The following ENPP1 variants were observed in gnomAD, a reference collection of about 807,000 sequenced individuals.
ENPP1 encodes ectonucleotide pyrophosphatase/phosphodiesterase family member 1.
Under a neutral mutation model 122.8 loss-of-function variants are expected in ENPP1, and 73 were observed. The ratio of observed to expected loss-of-function variants is 0.59; its 90% CI spans 0.49 to 0.72. The LOEUF (loss-of-function observed/expected upper bound fraction) is 0.72, where lower values mean the gene tolerates loss of function less well. ENPP1 is among the 30% of genes least tolerant of loss of function. The pLI, the probability that ENPP1 is intolerant of heterozygous loss-of-function variation, is 0.00. For synonymous variants in ENPP1, 367 were observed against 391.6 expected (o/e 0.94, Z 0.74); for missense variants, 978 against 1,128.1 (o/e 0.87, Z 1.91).
At chr6:131,851,588 T>C (rs1676837308) in intron 4 of ENPP1, among the ~76,000 whole-genome samples, 1 of 152,160 alleles carries the variant, frequency 6.6e-6, no homozygotes, top group Non-Finnish European at 1.5e-5. Flanking sequence ...CACTTGATGT[T>C]GTATTTGTGG....
rs11384427 is a variant in ENPP1 at position 131,890,996 on chromosome 6, C to CAA, written c.*494_*495dup. On this transcript the variant is annotated 3_prime_UTR_variant, in exon 25 of 25. Coordinates refer to ENST00000647893, the MANE Select transcript of ENPP1 (RefSeq NM_006208.3). ...GAGTTTCATTTCTTTTCATTGTAAT[C>CAA]AAAAAAAAAATTAACAGAAGCCAAA... The CAA allele has an allele frequency of 0.054, 8,105 of 150,838 alleles. 448 individuals carry two copies. Among genetic ancestry groups the CAA allele is most frequent in the African/African-American group, 0.14 (5,862 of 40,840 alleles). 9.3% of individuals were successfully genotyped at this position (150,838 alleles called of 1,614,324 possible). A position where few individuals can be genotyped will look rare whatever the true frequency, so the allele number is the denominator to read the frequency against.
chr6:131,875,789 G>T lies in ENPP1; in HGVS notation c.1649G>T (p.Gly550Val), dbSNP rs767931279. 1.9e-6 allele frequency: 3 copies of T among 1,613,910 alleles called. No individual in the cohort carries two copies. Among genetic ancestry groups the T allele is most frequent in the Admixed American group, 3.3e-5 (2 of 60,012 alleles). ...VFSNMQALFV[G>V]YGPGFKHGIE... ...CTGGCCATCTAGGCCCTCTTTGTTG[G>T]CTATGGACCTGGATTCAAGCATGGC... The change falls in exon 17 of 25, where the codon GGC becomes GTC. Residue 550 changes from glycine to valine, a missense_variant. By Grantham distance (109) the Gly-to-Val change is moderately radical. This residue lies in a region of ENPP1 where 644 missense variants were observed against 781.5 expected (regional missense o/e 0.82). Coordinates refer to ENST00000647893, the MANE Select transcript of ENPP1 (RefSeq NM_006208.3).
chr6:131,877,756 T>G lies in ENPP1; in HGVS notation c.1893+595T>G, dbSNP rs1159981652. On this transcript the variant is annotated intron_variant, in intron 18 of 24. Transcript: ENST00000647893. ...TGGGAGGCTGAGGCAGGAGAATTGT[T>G]TGAACCTGGGAGGCGGAGGTTGCAG... is the stretch of plus-strand genomic sequence containing the variant. 2.8e-5 allele frequency: 4 copies of G among 144,424 alleles called. No individual in the cohort carries two copies. In the Admixed American group the frequency reaches 2.8e-4, roughly 10 times the overall value. 8.9% of individuals were successfully genotyped at this position (144,424 alleles called of 1,614,324 possible).
chr6:131,825,952 G>T lies in ENPP1; in HGVS notation c.240+17677G>T, dbSNP rs1294744335. The T allele has an allele frequency of 1.8e-5, 9 of 501,444 alleles. 1 individual carries two copies. In the South Asian group the frequency reaches 2.3e-4, roughly 13 times the overall value. 31.1% of individuals were successfully genotyped at this position (501,444 alleles called of 1,614,324 possible). A position where few individuals can be genotyped will look rare whatever the true frequency, so the allele number is the denominator to read the frequency against. The stretch of plus-strand genomic sequence containing the variant: ...AGCCCTGGAGCATACTTTCAAAAAT[G>T]ATTTTGAAACATGAGTCTCTTCATT... On this transcript the variant is annotated intron_variant, in intron 1 of 24. Coordinates refer to ENST00000647893, the MANE Select transcript of ENPP1 (RefSeq NM_006208.3).
chr6:131,887,930 G>T (rs1376310859), intron 24 of ENPP1, among the ~76,000 whole-genome samples: 1 of 139,800 alleles, frequency 7.2e-6, no homozygotes, highest in Non-Finnish European at 1.5e-5. Flanking sequence ...GCGTGATCTC[G>T]GCTCCCTGCA....
intron 1 of ENPP1, among the ~76,000 whole-genome samples, chr6:131,844,279 A>G (rs1349914614): frequency 6.6e-6 from 1 of 152,234 alleles, no homozygotes; most frequent in African/African-American, 2.4e-5. Flanking sequence ...CCAGCTCCCA[A>G]CAACATAGTT....
At chr6:131,815,854 A>G (rs1585788394) in intron 1 of ENPP1, among the ~76,000 whole-genome samples, 1 of 147,488 alleles carries the variant, frequency 6.8e-6, no homozygotes, top group Non-Finnish European at 1.5e-5. Flanking sequence ...ACAGGCGCAC[A>G]CCACCACACC....
chr6:131,832,917 A>T (rs993361779), intron 1 of ENPP1, among the ~76,000 whole-genome samples: 1 of 152,120 alleles, frequency 6.6e-6, no homozygotes, highest in African/African-American at 2.4e-5. Flanking sequence ...AAATAATTGG[A>T]TAGTATTTTA....
chr6:131,844,856 A>G (rs1449547585), intron 1 of ENPP1, among the ~76,000 whole-genome samples: 1 of 152,138 alleles, frequency 6.6e-6, no homozygotes, highest in Non-Finnish European at 1.5e-5. Context: ...TTGAAGGTGC[A>G]AAGCTTATGT....
At chr6:131,874,919 G>C (rs1782209403) in intron 16 of ENPP1, among the ~76,000 whole-genome samples, 1 of 152,026 alleles carries the variant, frequency 6.6e-6, no homozygotes, top group Non-Finnish European at 1.5e-5. Flanking sequence ...CAGCAACATG[G>C]ATGGAATTGG....
At chr6:131,879,793 T>C in intron 19 of ENPP1, 87 bp from the exon 20 acceptor site, 1 of 1,182,402 alleles carries the variant, frequency 8.5e-7, no homozygotes. Context: ...TATAATTAAG[T>C]AGAGGAAAGG....
intron 1 of ENPP1, among the ~76,000 whole-genome samples, chr6:131,834,702 T>G (rs891209477): frequency 4.0e-5 from 6 of 151,602 alleles, no homozygotes; most frequent in Non-Finnish European, 5.9e-5. Context: ...AGCTAATTTT[T>G]TTTTTGTATT....
Position 131,882,456 on chromosome 6 carries a change from G to A in ENPP1, c.2212G>A (p.Gly738Arg), listed in dbSNP as rs1224968764. Residue 738 changes from glycine (G) to arginine (R), a missense_variant, in exon 21 of 25, where the codon GGG becomes AGG. Physicochemically the swap from Gly to Arg is moderately radical, Grantham distance 125 (BLOSUM62 -2). Coordinates refer to ENST00000647893, the MANE Select transcript of ENPP1 (RefSeq NM_006208.3). Reference sequence around the variant, plus strand: ...TAAAAATAACACCAAAGTGAGTTACGGGTTCCTCTCCCCACCACGTAAGTT... The same window carrying A: ...TAAAAATAACACCAAAGTGAGTTACAGGTTCCTCTCCCCACCACGTAAGTT... The part of the protein sequence containing the change: ...FYKNNTKVSY[G>R]FLSPPQLNKN... 7.5e-6 allele frequency: 12 copies of A among 1,607,738 alleles called. No homozygotes were observed. Among genetic ancestry groups the A allele is most frequent in the South Asian group, 2.2e-5 (2 of 90,982 alleles).
At chr6:131,840,856 TGAA>T (rs1781730991) in intron 1 of ENPP1, among the ~76,000 whole-genome samples, 1 of 152,226 alleles carries the variant, frequency 6.6e-6, no homozygotes, top group South Asian at 2.1e-4. Flanking sequence ...ATTTTGAACT[TGAA>T]GCTCTTTCTA....
Position 131,869,438 on chromosome 6 carries a change from G to T in ENPP1, c.1354G>T (p.Gly452Ter). 1 of 1,612,766 alleles carries T rather than the reference G, an allele frequency of 6.2e-7. No homozygotes were observed. Among genetic ancestry groups the T allele is most frequent in the East Asian group, 2.2e-5 (1 of 44,856 alleles). ...TGTTAAAAATATTAAAGTTATCTATGGACCTGCAGCTCGATTGAGACCCTC... is the reference window on the plus strand; with the variant it reads ...TGTTAAAAATATTAAAGTTATCTATTGACCTGCAGCTCGATTGAGACCCTC... ...GDVKNIKVIY[G>*]PAARLRPSDV... Residue 452 changes from glycine to a stop codon, truncating the protein, a stop_gained, in exon 13 of 25, where the codon GGA becomes TGA. Coordinates refer to ENST00000647893, the MANE Select transcript of ENPP1 (RefSeq NM_006208.3). LOFTEE classifies it high-confidence loss of function.
chr6:131,867,927 CTTTTTTT>C, intron 11 of ENPP1, 84 bp from the exon 12 acceptor site: 2 of 737,802 alleles, frequency 2.7e-6, no homozygotes, highest in East Asian at 5.6e-5. Context: ...TTGTTTCTTT[CTTTTTTT>C]TTTTTTTTAA....
intron 11 of ENPP1, 133 bp from the exon 12 acceptor site, chr6:131,867,885 A>G: frequency 1.5e-6 from 1 of 689,590 alleles, no homozygotes; most frequent in Non-Finnish European, 2.5e-6. Context: ...ACTGGCCCTT[A>G]TCTATCTATC....
chr6:131,851,860 G>A (rs907655515), intron 4 of ENPP1, among the ~76,000 whole-genome samples: 3 of 152,106 alleles, frequency 2.0e-5, no homozygotes, highest in African/African-American at 7.2e-5. Context: ...TGGATAGAAG[G>A]GGAGGGTTGT....
intron 1 of ENPP1, chr6:131,827,497 C>T (rs567165858): frequency 1.2e-4 from 73 of 628,742 alleles, no homozygotes; most frequent in East Asian, 3.6e-4. Context: ...AAGATTTCTG[C>T]GAAGGAATAG....
Sources: gnomAD v4.1 joint callset for allele counts (sites outside exome capture counted in the v4.1 genomes callset) on GRCh38, gnomAD v4.1.1 for gene constraint, gnomAD v4.1.1 regional missense constraint, MANE v1.5 for transcripts, NCBI Gene and HGNC (gene_info 2026-07-23, HGNC 2026-07-21) for gene names.